The following ARHGAP15 variants were observed in gnomAD, a reference collection of about 807,000 sequenced individuals.
ARHGAP15 encodes the protein rho GTPase-activating protein 15.
A neutral mutation model predicts 63.7 loss-of-function variants in ARHGAP15; 51 were observed. The ratio of observed to expected loss-of-function variants is 0.80; its 90% CI spans 0.64 to 1.01. The LOEUF (loss-of-function observed/expected upper bound fraction) is 1.01, where lower values mean the gene tolerates loss of function less well. Ranked by LOEUF, ARHGAP15 falls within the 50% of genes least tolerant of loss-of-function variation. The pLI is 0.00. For missense variants in ARHGAP15, 560 were observed against 564.6 expected, an observed-to-expected ratio of 0.99 and a Z score of 0.08; for synonymous variants, 191 against 193.8, an observed-to-expected ratio of 0.99 and a Z score of 0.12.
At chr2:143,498,969 T>C (rs1692937174) in intron 9 of ARHGAP15, among the ~76,000 whole-genome samples, 1 of 152,192 alleles carries the variant, frequency 6.6e-6, no homozygotes, top group Admixed American at 6.5e-5. Context: ...TCTAGATTCT[T>C]ATTCACAAAA....
At chr2:143,607,902 G>A (rs898520512) in intron 11 of ARHGAP15, 2 of 152,200 alleles carry the variant, frequency 1.3e-5, no homozygotes, top group African/African-American at 4.8e-5. Context: ...GAGGAATGCA[G>A]CTGCCATGTG....
intron 10 of ARHGAP15, among the ~76,000 whole-genome samples, chr2:143,535,860 T>C (rs528315296): frequency 1.1e-4 from 17 of 152,342 alleles, no homozygotes; most frequent in Admixed American, 2.6e-4. Flanking sequence ...AAGTCACATA[T>C]ATGGAGTTAG....
intron 8 of ARHGAP15, among the ~76,000 whole-genome samples, chr2:143,446,642 TTTTTA>T (rs1477786639): frequency 6.6e-6 from 1 of 152,020 alleles, no homozygotes; most frequent in African/African-American, 2.4e-5. Flanking sequence ...TTCTTTTTTT[TTTTTA>T]TTTAAGTTTT....
chr2:143,619,195 T>C (rs1003809605), intron 11 of ARHGAP15, among the ~76,000 whole-genome samples: 1 of 152,222 alleles, frequency 6.6e-6, no homozygotes, highest in South Asian at 2.1e-4. Flanking sequence ...CAAAGGTTCA[T>C]CTTTCAGTTC....
chr2:143,667,083 G>A (rs1165695726), intron 12 of ARHGAP15, among the ~76,000 whole-genome samples: 2 of 149,916 alleles, frequency 1.3e-5, no homozygotes, highest in African/African-American at 2.5e-5. Context: ...TATACCCAAA[G>A]GACTATGAAT....
At chr2:143,496,246 G>A (rs893427381) in intron 9 of ARHGAP15, among the ~76,000 whole-genome samples, 5 of 152,068 alleles carry the variant, frequency 3.3e-5, no homozygotes, top group Admixed American at 1.3e-4. Flanking sequence ...GACACCATGC[G>A]AGATGGAGAA....
chr2:143,172,952 C>A (rs900088759), intron 2 of ARHGAP15, among the ~76,000 whole-genome samples: 3 of 151,924 alleles, frequency 2.0e-5, no homozygotes, highest in Admixed American at 6.6e-5. Flanking sequence ...AGGGCTCGAA[C>A]CTTTAAGGAG....
At chr2:143,615,096 T>C (rs1698402900) in intron 11 of ARHGAP15, among the ~76,000 whole-genome samples, 1 of 152,174 alleles carries the variant, frequency 6.6e-6, no homozygotes, top group African/African-American at 2.4e-5. Context: ...AAAAGTCCTG[T>C]GATGCAGAAA....
intron 11 of ARHGAP15, among the ~76,000 whole-genome samples, chr2:143,578,635 G>C (rs1289279277): frequency 6.6e-6 from 1 of 152,170 alleles, no homozygotes; most frequent in Non-Finnish European, 1.5e-5. Flanking sequence ...TGCAGAAGAA[G>C]ATGCTTTTAT....
chr2:143,722,486 C>T (rs1297220360), intron 13 of ARHGAP15, among the ~76,000 whole-genome samples: 1 of 151,998 alleles, frequency 6.6e-6, no homozygotes, highest in Non-Finnish European at 1.5e-5. Context: ...TGAAGCATGC[C>T]TATGGAGTGC....
chr2:143,382,102 CTTTCCTTCCTTCCTCCCTCCCTCCT>C (rs796888937), intron 6 of ARHGAP15, among the ~76,000 whole-genome samples: 6,277 of 142,904 alleles, frequency 0.044, 449 homozygotes, highest in African/African-American at 0.15. Flanking sequence ...TCCTCCCTCC[CTTTCCTTCCTTCCTCCCTCCCTCCT>C]CCCTTCCTTT....
At chr2:143,475,420 A>C (rs1691767480) in intron 8 of ARHGAP15, among the ~76,000 whole-genome samples, 1 of 152,250 alleles carries the variant, frequency 6.6e-6, no homozygotes, top group Admixed American at 6.5e-5. Flanking sequence ...TTTTGGAGCA[A>C]ATAGCTTAAA....
chr2:143,324,270 T>C (rs1400564617), intron 6 of ARHGAP15, among the ~76,000 whole-genome samples: 2 of 152,212 alleles, frequency 1.3e-5, no homozygotes, highest in African/African-American at 4.8e-5. Context: ...TTTTTTACAT[T>C]TTGTTTTTCT....
rs145657232 is a variant in ARHGAP15, at chr2:143,259,702, T to C, written c.474+9102T>C. Among the ~76,000 whole-genome samples, 4 of 152,310 alleles carry C rather than the reference T, an allele frequency of 2.6e-5. No individual in the cohort carries two copies. In the East Asian group the frequency reaches 7.7e-4, roughly 29 times the overall value. On this transcript the variant is annotated intron_variant, in intron 6 of 13. Coordinates refer to ENST00000295095, the MANE Select transcript of ARHGAP15 (RefSeq NM_018460.4). ...CCTCTGGCCCTACATGTCATTCATC[T>C]GATGGCAGTCCTTTCTCCCTGTCTT... is the stretch of plus-strand genomic sequence containing the variant.
At chr2:143,511,457 A>G (rs1409965828) in intron 9 of ARHGAP15, among the ~76,000 whole-genome samples, 1 of 152,206 alleles carries the variant, frequency 6.6e-6, no homozygotes. Context: ...TGCTTTCTAA[A>G]TAATATGCAT....
intron 12 of ARHGAP15, among the ~76,000 whole-genome samples, chr2:143,702,449 A>G (rs1400394000): frequency 6.6e-6 from 1 of 152,202 alleles, no homozygotes; most frequent in Non-Finnish European, 1.5e-5. Context: ...TAAAGCAAAA[A>G]CAAAATGTGT....
At chr2:143,259,325 T>C (rs1272657945) in intron 6 of ARHGAP15, among the ~76,000 whole-genome samples, 1 of 152,124 alleles carries the variant, frequency 6.6e-6, no homozygotes, top group Non-Finnish European at 1.5e-5. Flanking sequence ...TACTACAGTA[T>C]CAATATGAAA....
chr2:143,166,001 A>AGAAAGAAAGAAAGAAGGAAGGAAG (rs70982847), intron 2 of ARHGAP15, among the ~76,000 whole-genome samples: 24 of 101,144 alleles, frequency 2.4e-4, no homozygotes, highest in African/African-American at 1.0e-3. Flanking sequence ...AAAGAAAGAA[A>AGAAAGAAAGAAAGAAGGAAGGAAG]GAAGGAAGGA....
intron 11 of ARHGAP15, among the ~76,000 whole-genome samples, chr2:143,559,236 A>C (rs540093435): frequency 3.9e-5 from 6 of 152,324 alleles, no homozygotes; most frequent in African/African-American, 1.2e-4. Flanking sequence ...CCTTTAAAAA[A>C]ACTATGCTCA....
Sources: allele counts gnomAD v4.1 joint callset (sites outside exome capture counted in the v4.1 genomes callset), GRCh38; gene constraint gnomAD v4.1.1; transcripts MANE v1.5; gene names NCBI Gene and HGNC (gene_info 2026-07-23, HGNC 2026-07-21).